HMCN1: variants seen among roughly 807,000 people sequenced by gnomAD.
HMCN1 encodes the protein hemicentin-1.
A neutral mutation model predicts 625.9 loss-of-function variants in HMCN1; 321 were observed. The observed-to-expected ratio is 0.51, with a 90% CI of 0.47 to 0.56. The LOEUF is 0.56. Ranked by LOEUF, HMCN1 falls within the 20% of genes least tolerant of loss-of-function variation. The pLI, the probability that HMCN1 is intolerant of heterozygous loss-of-function variation, is 0.00. For missense variants in HMCN1, 6,588 were observed against 6,887.3 expected (o/e 0.96, Z 1.54); for synonymous variants, 2,425 against 2,417.6 (o/e 1.00, Z -0.09).
intron 69 of HMCN1, among the ~76,000 whole-genome samples, chr1:186,106,212 G>A (rs1464537515): frequency 6.6e-6 from 1 of 152,130 alleles, no homozygotes; most frequent in East Asian, 1.9e-4. Flanking sequence ...CTGTTTTCCA[G>A]AGTACCCTCT....
rs367842369 is a variant in HMCN1 at position 185,843,779 on chromosome 1, G to A, written c.269-2247G>A. Among the ~76,000 whole-genome samples, 187 of 152,212 alleles carry A rather than the reference G, an allele frequency of 1.2e-3. 1 individual carries two copies. Among genetic ancestry groups the A allele is most frequent in the African/African-American group, 1.6e-3 (66 of 41,534 alleles). On this transcript the variant is annotated intron_variant, in intron 1 of 106. Transcript: ENST00000271588. ...AAAGATTTATCTCAGCTGTCCAGTT[G>A]TGGCTTGCAAAAATGTTTATTAATG...
chr1:186,141,606 T>TC lies in HMCN1; in HGVS notation c.13925-2566dup, dbSNP rs1418815507. ...TACAGATTAAAGAGTGACCATTTTT[T>TC]CAAGTGTCTGTCTGAAAACTGTTGA... On this transcript the variant is annotated intron_variant, in intron 89 of 106. Coordinates refer to ENST00000271588, the MANE Select transcript of HMCN1 (RefSeq NM_031935.3). Among the ~76,000 whole-genome samples the TC allele has an allele frequency of 4.6e-5, 7 of 152,324 alleles. No homozygotes were observed. In the East Asian group the frequency reaches 1.3e-3, roughly 29 times the overall value.
intron 4 of HMCN1, 132 bp downstream of exon 4, chr1:185,865,995 A>G (rs1462831579): frequency 5.0e-6 from 4 of 792,498 alleles, no homozygotes; most frequent in Non-Finnish European, 8.4e-6. Context: ...CCACAGTTCA[A>G]TAAAGGCATT....
At chr1:185,746,326 G>A (rs1215372306) in intron 1 of HMCN1, among the ~76,000 whole-genome samples, 3 of 152,096 alleles carry the variant, frequency 2.0e-5, no homozygotes, top group Non-Finnish European at 4.4e-5. Flanking sequence ...AAGAAGACAG[G>A]GCCTACTCCT....
At position 186,114,904 on chromosome 1, in the gene HMCN1, G is replaced by A. The variant is rs777989791; in HGVS notation, c.11362G>A (p.Ala3788Thr). ...ACGGTATTTGTGTATGGCCACCAATGCTGCTGGAACAGATCGCAGGCGAAT... is the reference window on the plus strand; with the variant it reads ...ACGGTATTTGTGTATGGCCACCAATACTGCTGGAACAGATCGCAGGCGAAT... ...TGRYLCMATN[A>T]AGTDRRRIDL... is the part of the protein sequence containing the mutation. Residue 3788 changes from alanine (A) to threonine (T), a missense_variant, in exon 74 of 107, where the codon GCT (alanine) becomes ACT (threonine). By Grantham distance (58) the Ala-to-Thr change is moderately conservative. Coordinates refer to ENST00000271588, the MANE Select transcript of HMCN1 (RefSeq NM_031935.3). 5.6e-6 allele frequency: 9 copies of A among 1,614,012 alleles called. No individual in the cohort carries two copies. In the South Asian group the frequency reaches 9.9e-5, roughly 18 times the overall value.
chr1:186,090,076 G>A (rs1422184967), intron 63 of HMCN1, among the ~76,000 whole-genome samples: 14 of 151,812 alleles, frequency 9.2e-5, no homozygotes, highest in African/African-American at 2.9e-4. Flanking sequence ...TGGCTTTTGC[G>A]ACCTGGTGTG....
At chr1:186,034,403 C>T (rs1655681711) in intron 36 of HMCN1, among the ~76,000 whole-genome samples, 1 of 152,154 alleles carries the variant, frequency 6.6e-6, no homozygotes, top group Non-Finnish European at 1.5e-5. Context: ...CATAAGGAAA[C>T]TTTTCTATAT....
intron 2 of HMCN1, 60 bp downstream of exon 2, chr1:185,846,156 T>C: frequency 3.1e-6 from 4 of 1,274,916 alleles, no homozygotes; most frequent in Non-Finnish European, 3.4e-6. Flanking sequence ...CTTTGGCTGA[T>C]TTTCTTTATT....
intron 1 of HMCN1, among the ~76,000 whole-genome samples, chr1:185,825,713 T>C (rs977231161): frequency 1.3e-5 from 2 of 152,202 alleles, no homozygotes; most frequent in Non-Finnish European, 2.9e-5. Flanking sequence ...AAATTTATGG[T>C]AGTGTTTGGC....
At chr1:185,775,503 T>C (rs1234036984) in intron 1 of HMCN1, among the ~76,000 whole-genome samples, 1 of 152,220 alleles carries the variant, frequency 6.6e-6, no homozygotes, top group East Asian at 1.9e-4. Flanking sequence ...AAAACATTTT[T>C]CTATCTATCA....
intron 15 of HMCN1, among the ~76,000 whole-genome samples, chr1:185,971,822 G>C (rs1432483573): frequency 6.6e-6 from 1 of 152,102 alleles, no homozygotes; most frequent in African/African-American, 2.4e-5. Flanking sequence ...CCTTGGGGGA[G>C]AATCAACAAA....
At chr1:186,078,787 T>C (rs1488600508) in intron 55 of HMCN1, among the ~76,000 whole-genome samples, 1 of 152,356 alleles carries the variant, frequency 6.6e-6, no homozygotes, top group East Asian at 1.9e-4. Flanking sequence ...AATGTTCTAA[T>C]TGATAAGGTC....
At chr1:186,062,221 A>G (rs1474901761) in intron 47 of HMCN1, among the ~76,000 whole-genome samples, 1 of 152,198 alleles carries the variant, frequency 6.6e-6, no homozygotes, top group Non-Finnish European at 1.5e-5. Context: ...GTGAATACAT[A>G]TTAGAGTTAT....
At chr1:185,756,694 C>T (rs1655154086) in intron 1 of HMCN1, among the ~76,000 whole-genome samples, 1 of 152,186 alleles carries the variant, frequency 6.6e-6, no homozygotes, top group Non-Finnish European at 1.5e-5. Flanking sequence ...TATTTGCACT[C>T]TTTCCTTGCC....
intron 1 of HMCN1, among the ~76,000 whole-genome samples, chr1:185,780,021 A>C (rs916636573): frequency 3.9e-5 from 6 of 152,078 alleles, no homozygotes; most frequent in Non-Finnish European, 7.4e-5. Flanking sequence ...CTTTTATTTC[A>C]TTGAGCAGAG....
chr1:185,750,453 C>G (rs781638391), intron 1 of HMCN1, among the ~76,000 whole-genome samples: 3 of 151,986 alleles, frequency 2.0e-5, no homozygotes, highest in Admixed American at 6.6e-5. Context: ...GTTAATTTCT[C>G]TTTGTAATTC....
intron 84 of HMCN1, 68 bp from the exon 85 acceptor site, chr1:186,130,439 G>A (rs1661870119): frequency 2.7e-6 from 4 of 1,494,222 alleles, no homozygotes; most frequent in Non-Finnish European, 9.3e-7. Flanking sequence ...TTTCCAAATA[G>A]GTCAAAGATC....
chr1:185,782,713 C>T (rs1020368821), intron 1 of HMCN1, among the ~76,000 whole-genome samples: 2 of 152,202 alleles, frequency 1.3e-5, no homozygotes, highest in South Asian at 2.1e-4. Flanking sequence ...GCTGAGAGAT[C>T]CGCTGTTAGT....
At position 185,980,986 on chromosome 1, in the gene HMCN1, G is replaced by T. The variant is rs1274918563; in HGVS notation, c.2575G>T (p.Ala859Ser). ...TGAGTTCTTCCTTTTAGACTTATGGGCAAGTGATAAAGGAACCTATATTTG... is the reference window on the plus strand; with the variant it reads ...TGAGTTCTTCCTTTTAGACTTATGGTCAAGTGATAAAGGAACCTATATTTG... ...TGALFILNLW[A>S]SDKGTYICEA... Residue 859 changes from alanine (A) to serine (S), a missense_variant, in exon 17 of 107, where the codon GCA becomes TCA. By Grantham distance (99) the Ala-to-Ser change is moderately conservative (BLOSUM62 1). This residue lies in a region of HMCN1 where 4,628 missense variants were observed against 4,853.1 expected (regional missense o/e 0.95). Coordinates refer to ENST00000271588, the MANE Select transcript of HMCN1 (RefSeq NM_031935.3). The T allele has an allele frequency of 1.8e-5, 28 of 1,597,970 alleles. No homozygotes were observed. Among genetic ancestry groups the T allele is most frequent in the Non-Finnish European group, 2.4e-5 (28 of 1,165,540 alleles).
Sources: gnomAD v4.1 joint callset for allele counts (sites outside exome capture counted in the v4.1 genomes callset) on GRCh38, gnomAD v4.1.1 for gene constraint, gnomAD v4.1.1 regional missense constraint, MANE v1.5 for transcripts, NCBI Gene and HGNC (gene_info 2026-07-23, HGNC 2026-07-21) for gene names.